SASH1: variants seen among roughly 807,000 people sequenced by gnomAD.
The protein encoded by SASH1 is SAM and SH3 domain-containing protein 1.
A neutral mutation model predicts 125.2 loss-of-function variants in SASH1; 44 were observed. The observed-to-expected ratio is 0.35, with a 90% CI of 0.28 to 0.45. SASH1 has a LOEUF of 0.45. Among genes scored for constraint, SASH1 ranks in the 20% least tolerant of loss-of-function variants. The pLI is 1.00. For missense variants in SASH1, 1,426 were observed against 1,614.5 expected, an observed-to-expected ratio of 0.88 and a Z score of 2.00; for synonymous variants, 639 against 649.1, an observed-to-expected ratio of 0.98 and a Z score of 0.24.
chr6:148,211,431 T>C, the SASH1 span, among the ~76,000 whole-genome samples: 8 of 149,476 alleles, frequency 5.4e-5, no homozygotes, highest in African/African-American at 2.1e-4. Context: ...ATTATCCAGG[T>C]GTGGTGGCAC....
At chr6:148,251,077 C>G in the SASH1 span, among the ~76,000 whole-genome samples, 2 of 152,254 alleles carry the variant, frequency 1.3e-5, no homozygotes, top group East Asian at 3.9e-4. Flanking sequence ...GAAAAAAAGA[C>G]CAACCAATAG....
chr6:148,519,767 C>T lies in SASH1; in HGVS notation c.1083C>T (p.Gly361=), dbSNP rs34493383. 6.2e-7 allele frequency: 1 copy of T among 1,614,034 alleles called. No individual in the cohort carries two copies. The highest frequency in any genetic ancestry group is 1.1e-5 in the South Asian group (1 of 91,070). The change falls in exon 10 of 20, where the codon GGC becomes GGT. Residue 361 remains glycine (G), a synonymous_variant. Coordinates refer to ENST00000367467, the MANE Select transcript of SASH1 (RefSeq NM_015278.5). The surrounding 1 kb of genome is among the most constrained non-coding windows in gnomAD (Gnocchi z 4.8). ...VKTFSKGESR[G]LIKPPKKMGT... ...CCTTCAGCAAAGGAGAGAGCCGGGG[C>T]CTGATTAAGCCCCCCAAGAAGATGG... is the stretch of plus-strand genomic sequence containing the variant.
chr6:148,473,245 TTTTA>T (rs956297993), intron 6 of SASH1, among the ~76,000 whole-genome samples: 3 of 152,178 alleles, frequency 2.0e-5, no homozygotes, highest in African/African-American at 4.8e-5. Context: ...ACTTAGCATT[TTTTA>T]TTTATTTATT....
At chr6:148,346,891 A>G (rs985845473) in intron 1 of SASH1, among the ~76,000 whole-genome samples, 3 of 152,178 alleles carry the variant, frequency 2.0e-5, no homozygotes, top group Non-Finnish European at 2.9e-5. Flanking sequence ...ACACCACGAC[A>G]TGTGGTAGGC....
At chr6:148,408,280 G>GTTTGTT (rs1784462532) in intron 2 of SASH1, among the ~76,000 whole-genome samples, 1 of 148,814 alleles carries the variant, frequency 6.7e-6, no homozygotes, top group Admixed American at 6.8e-5. Context: ...GCTAATTTTT[G>GTTTGTT]TATTTTTAGT....
chr6:148,305,341 C>T (rs1200871585), intron 1 of SASH1, among the ~76,000 whole-genome samples: 1 of 152,198 alleles, frequency 6.6e-6, no homozygotes, highest in African/African-American at 2.4e-5. Flanking sequence ...GGCGCAGTGG[C>T]TCACGCCTGT....
At chr6:148,282,060 A>G (rs1299811286) in intron 1 of SASH1, among the ~76,000 whole-genome samples, 3 of 152,254 alleles carry the variant, frequency 2.0e-5, no homozygotes, top group Non-Finnish European at 4.4e-5. Flanking sequence ...TGTCATGGCC[A>G]TGGAGGTAGA....
intron 2 of SASH1, among the ~76,000 whole-genome samples, chr6:148,423,130 G>C (rs2473556): frequency 6.6e-6 from 1 of 151,870 alleles, no homozygotes; most frequent in Non-Finnish European, 1.5e-5. Context: ...TTAGAGACAG[G>C]GTTTCACCAT....
chr6:148,522,429 A>AT, intron 10 of SASH1, among the ~76,000 whole-genome samples: 1 of 152,264 alleles, frequency 6.6e-6, no homozygotes, highest in Non-Finnish European at 1.5e-5. Flanking sequence ...TATTTCTTTC[A>AT]TTTTATCTAA....
At position 148,549,296 on chromosome 6, in the gene SASH1, G is replaced by A. The variant is rs1782756641; in HGVS notation, c.*738G>A. ...TTTTCTAATCGTCTCATTGTAACAT[G>A]GCTTATTTTGTAGAGGTATTCATCA... On this transcript the variant is annotated 3_prime_UTR_variant, in exon 20 of 20. Transcript: ENST00000367467. 7.6e-6 allele frequency: 2 copies of A among 263,846 alleles called. No individual in the cohort carries two copies. The highest frequency in any genetic ancestry group is 6.7e-5 in the East Asian group (1 of 15,026). The allele number at this position is 263,846 out of a possible 1,614,324, so 16.3% of individuals were successfully genotyped here.
intron 4 of SASH1, among the ~76,000 whole-genome samples, chr6:148,449,693 T>C (rs1285750264): frequency 6.6e-6 from 1 of 152,172 alleles, no homozygotes; most frequent in East Asian, 1.9e-4. Flanking sequence ...AGTCGGAGAC[T>C]GGCTAATTTC....
chr6:148,439,957 CAG>C (rs112261988), intron 2 of SASH1, among the ~76,000 whole-genome samples: 3,591 of 152,228 alleles, frequency 0.024, 150 homozygotes, highest in African/African-American at 0.081. Context: ...AAATTGTCAG[CAG>C]AGTCTGGCAA....
At chr6:148,335,736 A>C (rs1781135525) in intron 1 of SASH1, among the ~76,000 whole-genome samples, 1 of 152,120 alleles carries the variant, frequency 6.6e-6, no homozygotes, top group Non-Finnish European at 1.5e-5. Flanking sequence ...AAATGATGAC[A>C]GCGATGGTTA....
chr6:148,359,227 C>T (rs1163745789), intron 1 of SASH1, among the ~76,000 whole-genome samples: 1 of 151,956 alleles, frequency 6.6e-6, no homozygotes, highest in Non-Finnish European at 1.5e-5. Flanking sequence ...TGCGCCATCT[C>T]AGCTCACTGT....
At position 148,495,053 on chromosome 6, in the gene SASH1, G is replaced by A. The variant is rs896298478; in HGVS notation, c.729+7338G>A. Among the ~76,000 whole-genome samples, 4 of 152,134 alleles carry A rather than the reference G, an allele frequency of 2.6e-5. No individual in the cohort carries two copies. Among genetic ancestry groups the A allele is most frequent in the Non-Finnish European group, 5.9e-5 (4 of 68,030 alleles). On this transcript the variant is annotated intron_variant, in intron 8 of 19. Transcript: ENST00000367467. The surrounding 1 kb of genome is among the most constrained non-coding windows in gnomAD (Gnocchi z 4.0). ...AACAGACATTGTCTTCAAGCCAGAG[G>A]ATTTAGTTTCGAAGTTTTGGAAGGA...
chr6:148,474,389 A>G (rs756236101), intron 7 of SASH1, among the ~76,000 whole-genome samples, 167 bp downstream of exon 7: 2 of 152,208 alleles, frequency 1.3e-5, no homozygotes, highest in Non-Finnish European at 2.9e-5. Flanking sequence ...TGAAACTTCT[A>G]TGGTCAATGA....
chr6:148,520,677 C>T (rs1010847182), intron 10 of SASH1, among the ~76,000 whole-genome samples: 1 of 152,092 alleles, frequency 6.6e-6, no homozygotes, highest in African/African-American at 2.4e-5. Context: ...TTGGCCGCCT[C>T]CAGGAGTGGC....
chr6:148,395,474 C>A (rs1392424057), intron 2 of SASH1, among the ~76,000 whole-genome samples: 1 of 152,138 alleles, frequency 6.6e-6, no homozygotes, highest in Non-Finnish European at 1.5e-5. Context: ...TGGAATAATG[C>A]ATTTGATAAA....
chr6:148,210,827 G>T, the SASH1 span, among the ~76,000 whole-genome samples: 2 of 152,146 alleles, frequency 1.3e-5, no homozygotes, highest in East Asian at 3.9e-4. Flanking sequence ...TGTGACAAAG[G>T]TATAGAATTG....
Sources: gnomAD v4.1 joint callset for allele counts (sites outside exome capture counted in the v4.1 genomes callset) on GRCh38, gnomAD v4.1.1 for gene constraint, Gnocchi (gnomAD v3.1) non-coding constraint, MANE v1.5 for transcripts, NCBI Gene and HGNC (gene_info 2026-07-23, HGNC 2026-07-21) for gene names.